Variants in ACSS1 observed in about 807,000 individuals in gnomAD.
The protein encoded by ACSS1 is acetyl-coenzyme A synthetase 2-like, mitochondrial.
A neutral mutation model predicts 75.3 loss-of-function variants in ACSS1; 42 were observed. That is an observed-to-expected ratio of 0.56 (90% CI 0.44 to 0.72). The LOEUF (loss-of-function observed/expected upper bound fraction) is 0.72. ACSS1 is among the 30% of genes least tolerant of loss of function. The pLI is 0.00. For missense variants in ACSS1, 782 were observed against 935.7 expected (o/e 0.84, Z 2.14); for synonymous variants, 380 against 376.8 (o/e 1.01, Z -0.10).
At chr20:25,030,995 G>A (rs756705438) in intron 2 of ACSS1, 37 bp from the exon 3 acceptor site, 4 of 1,605,830 alleles carry the variant, frequency 2.5e-6, no homozygotes, top group East Asian at 4.5e-5. Flanking sequence ...CAGAGATGGA[G>A]GAGGGCCAAA....
At chr20:25,053,963 G>T (rs1219551434) in intron 1 of ACSS1, among the ~76,000 whole-genome samples, 1 of 152,220 alleles carries the variant, frequency 6.6e-6, no homozygotes, top group Admixed American at 6.5e-5. Context: ...ATATGCCACA[G>T]GGCAAAAAGA....
At chr20:25,019,811 G>T (rs2088585470) in intron 7 of ACSS1, among the ~76,000 whole-genome samples, 199 bp downstream of exon 7, 1 of 152,256 alleles carries the variant, frequency 6.6e-6, no homozygotes, top group African/African-American at 2.4e-5. Flanking sequence ...TCCCCAGACA[G>T]GTAACTGCTG....
chr20:25,053,060 CTTTTTTTTTTT>C (rs1171891974), intron 1 of ACSS1, among the ~76,000 whole-genome samples: 1 of 118,140 alleles, frequency 8.5e-6, no homozygotes, highest in Non-Finnish European at 1.7e-5. Context: ...TCACAATGAG[CTTTTTTTTTTT>C]TTTTTTTTTT....
chr20:25,023,162 G>A (rs775203730), intron 4 of ACSS1, 70 bp from the exon 5 acceptor site: 175 of 1,523,134 alleles, frequency 1.1e-4, no homozygotes, highest in African/African-American at 1.8e-4. Context: ...CTCCCCCTCC[G>A]CAGCAGGACT....
At chr20:25,019,593 A>G (rs1456471971) in intron 7 of ACSS1, among the ~76,000 whole-genome samples, 2 of 152,154 alleles carry the variant, frequency 1.3e-5, no homozygotes, top group Admixed American at 6.5e-5. Flanking sequence ...ATCCTAGTTC[A>G]CTGCAGCCTG....
intron 2 of ACSS1, among the ~76,000 whole-genome samples, chr20:25,034,178 T>C (rs951181453): frequency 2.0e-5 from 3 of 152,198 alleles, no homozygotes; most frequent in Non-Finnish European, 4.4e-5. Context: ...AGCCACATTC[T>C]GGCCTACAGC....
At chr20:25,040,842 GC>G (rs2088989563) in intron 2 of ACSS1, among the ~76,000 whole-genome samples, 1 of 152,054 alleles carries the variant, frequency 6.6e-6, no homozygotes, top group South Asian at 2.1e-4. Context: ...CCCACCCCAG[GC>G]CACCCTTAAA....
intron 2 of ACSS1, among the ~76,000 whole-genome samples, chr20:25,035,485 A>C (rs2088895314): frequency 6.6e-6 from 1 of 151,652 alleles, no homozygotes; most frequent in Admixed American, 6.6e-5. Flanking sequence ...CGCTCACTGC[A>C]ACCTCCACCT....
At chr20:25,057,465 T>A (rs1174342571) in intron 1 of ACSS1, among the ~76,000 whole-genome samples, 1 of 152,122 alleles carries the variant, frequency 6.6e-6, no homozygotes, top group Non-Finnish European at 1.5e-5. Context: ...GTAACGCAAC[T>A]CTGGAGTCCG....
intron 3 of ACSS1, among the ~76,000 whole-genome samples, chr20:25,026,490 G>A (rs2088721641): frequency 6.6e-6 from 1 of 152,178 alleles, no homozygotes; most frequent in Non-Finnish European, 1.5e-5. Context: ...AGTCAGCCAT[G>A]TGAAGAGGCC....
At chr20:25,024,404 G>C (rs1348169154) in intron 3 of ACSS1, among the ~76,000 whole-genome samples, 1 of 152,194 alleles carries the variant, frequency 6.6e-6, no homozygotes, top group South Asian at 2.1e-4. Context: ...TGACCCAGAG[G>C]GATCACAGCT....
chr20:25,023,668 G>A (rs1337438317), intron 3 of ACSS1, 27 bp from the exon 4 acceptor site: 2 of 1,568,120 alleles, frequency 1.3e-6, no homozygotes, highest in Admixed American at 1.7e-5. Context: ...AGACATTTCT[G>A]ATCAGTCTCC....
intron 2 of ACSS1, among the ~76,000 whole-genome samples, chr20:25,036,160 T>G (rs2088904888): frequency 6.6e-6 from 1 of 152,142 alleles, no homozygotes; most frequent in South Asian, 2.1e-4. Context: ...GAGCAGGATA[T>G]TTAGGTTTGT....
intron 1 of ACSS1, among the ~76,000 whole-genome samples, chr20:25,049,055 AC>A (rs2089141091): frequency 6.6e-6 from 1 of 152,214 alleles, no homozygotes; most frequent in African/African-American, 2.4e-5. Flanking sequence ...TCTCAGGGTC[AC>A]CCCTGTAGCC....
In ACSS1 at chr20:25,027,233, C is replaced by T. The variant is rs2088734950; in HGVS notation, c.631+3526G>A. Among the ~76,000 whole-genome samples, 7 of 152,284 alleles carry T rather than the reference C, an allele frequency of 4.6e-5. No homozygotes were observed. In the South Asian group the frequency reaches 1.2e-3, roughly 27 times the overall value. On this transcript the variant is annotated intron_variant, in intron 3 of 13. Transcript: ENST00000323482. ...TATGAAATATTTAAAGAATTAGCAC[C>T]AATCCTTCTCAAACTCTTCCAAAAA...
Position 25,035,505 on chromosome 20 carries a change from A to G in ACSS1, c.432-4547T>C, listed in dbSNP as rs6083723. ...ACTGCAACCTCCACCTCCCAGGTTC[A>G]AGGGATTCTCCTGCCTCAGCCTCCT... On this transcript the variant is annotated intron_variant, in intron 2 of 13. Coordinates refer to ENST00000323482, the MANE Select transcript of ACSS1 (RefSeq NM_032501.4). 2.2e-3 allele frequency among the ~76,000 whole-genome samples: 328 copies of G among 152,052 alleles called. 1 individual carries two copies. The highest frequency in any genetic ancestry group is 3.3e-3 in the Non-Finnish European group (227 of 67,982).
chr20:25,036,188 G>A (rs1172486929), intron 2 of ACSS1, among the ~76,000 whole-genome samples: 1 of 152,188 alleles, frequency 6.6e-6, no homozygotes. Flanking sequence ...GTACTCTGCC[G>A]GGTCAAGCTT....
rs774620954 is a variant in ACSS1, at chr20:25,057,849, G to GTGTC, written c.250_253dup (p.Thr85ArgfsTer51). 9 of 1,612,606 alleles carry GTGTC rather than the reference G, an allele frequency of 5.6e-6. No homozygotes were observed. Among genetic ancestry groups the GTGTC allele is most frequent in the Non-Finnish European group, 7.6e-6 (9 of 1,179,520 alleles). ...GCAGTCCCAGACGGTGTGGTAGGGG[G>GTGTC]TGTCCCACACGAGAGTGTCCCGCGC... On this transcript the variant is annotated frameshift_variant, in exon 1 of 14. Transcript: ENST00000323482. LOFTEE classifies it high-confidence loss of function.
chr20:25,050,459 T>G (rs1568850762), intron 1 of ACSS1, among the ~76,000 whole-genome samples: 1 of 151,866 alleles, frequency 6.6e-6, no homozygotes, highest in Non-Finnish European at 1.5e-5. Context: ...CCAACCAGCC[T>G]CATAAGAAGC....
Sources: allele counts gnomAD v4.1 joint callset (sites outside exome capture counted in the v4.1 genomes callset), GRCh38; gene constraint gnomAD v4.1.1; transcripts MANE v1.5; gene names NCBI Gene and HGNC (gene_info 2026-07-23, HGNC 2026-07-21).